SPATA16: variants seen among roughly 807,000 people sequenced by gnomAD.
SPATA16 encodes spermatogenesis associated 16.
In SPATA16, 36 loss-of-function variants were observed where a neutral mutation model predicts 63.3. That is an observed-to-expected ratio of 0.57 (90% CI 0.44 to 0.75). The LOEUF (loss-of-function observed/expected upper bound fraction) is 0.75, where lower values mean the gene tolerates loss of function less well. Among genes scored for constraint, SPATA16 ranks in the 30% least tolerant of loss-of-function variants. The pLI is 0.00. For synonymous variants in SPATA16, 203 were observed against 216.7 expected, an observed-to-expected ratio of 0.94 and a Z score of 0.56; for missense variants, 646 against 679.3, an observed-to-expected ratio of 0.95 and a Z score of 0.54.
intron 2 of SPATA16, among the ~76,000 whole-genome samples, chr3:173,080,283 A>G (rs927167191): frequency 4.6e-5 from 7 of 152,212 alleles, no homozygotes; most frequent in African/African-American, 7.2e-5. Context: ...AAAAAAGAAT[A>G]GACAAATTGC....
chr3:172,937,924 G>A (rs1733047736), intron 6 of SPATA16, among the ~76,000 whole-genome samples: 1 of 152,186 alleles, frequency 6.6e-6, no homozygotes, highest in Non-Finnish European at 1.5e-5. Context: ...AGCCAGCCTG[G>A]TGAACTAAAT....
chr3:172,971,781 T>C (rs1560083968), intron 5 of SPATA16, among the ~76,000 whole-genome samples: 1 of 152,166 alleles, frequency 6.6e-6, no homozygotes, highest in Non-Finnish European at 1.5e-5. Context: ...ATGGAGTCAC[T>C]CATGACAATA....
chr3:173,114,964 G>A (rs1737855832), intron 2 of SPATA16, among the ~76,000 whole-genome samples: 1 of 152,128 alleles, frequency 6.6e-6, no homozygotes. Context: ...ACAAAAGCTA[G>A]GCCAGATGTC....
chr3:172,926,297 G>GT (rs1732733997), intron 6 of SPATA16, among the ~76,000 whole-genome samples: 1 of 152,140 alleles, frequency 6.6e-6, no homozygotes, highest in African/African-American at 2.4e-5. Flanking sequence ...ACTGACTATT[G>GT]TAATTAGACT....
At chr3:173,011,993 G>A (rs1477190944) in intron 4 of SPATA16, among the ~76,000 whole-genome samples, 4 of 151,952 alleles carry the variant, frequency 2.6e-5, no homozygotes, top group Non-Finnish European at 4.4e-5. Context: ...AAAAAAAAAA[G>A]TTTGTTTTTT....
chr3:172,989,254 C>G (rs1238940128), intron 4 of SPATA16, among the ~76,000 whole-genome samples: 1 of 152,080 alleles, frequency 6.6e-6, no homozygotes, highest in Non-Finnish European at 1.5e-5. Context: ...CACAGTTTAT[C>G]TAGAGATAAG....
chr3:173,052,330 T>C (rs1402706968), intron 2 of SPATA16, among the ~76,000 whole-genome samples: 1 of 152,040 alleles, frequency 6.6e-6, no homozygotes, highest in Non-Finnish European at 1.5e-5. Flanking sequence ...ATGAGAATAC[T>C]TCATGAAACC....
At position 172,913,692 on chromosome 3, in the gene SPATA16, T is replaced by C; in HGVS notation, c.1556A>G (p.Asn519Ser). The change falls in exon 10 of 11, where the codon AAT becomes AGT. Residue 519 changes from asparagine to serine, a missense_variant. Transcript: ENST00000351008. ...GATCATATTCCACACACGTTCATTA[T>C]TGTTTCTTCTTCCTTCAAGGGTGTC... ...AMDTLEGRRNNNERVWNMIQK... is the reference protein window; with the variant it reads ...AMDTLEGRRNSNERVWNMIQK... The C allele has an allele frequency of 6.2e-7, 1 of 1,613,838 alleles. No homozygotes were observed. The highest frequency in any genetic ancestry group is 2.2e-5 in the East Asian group (1 of 44,862).
At chr3:172,897,007 G>A (rs2109543004) in intron 10 of SPATA16, among the ~76,000 whole-genome samples, 1 of 152,072 alleles carries the variant, frequency 6.6e-6, no homozygotes, top group Admixed American at 6.5e-5. Flanking sequence ...AGTCTGAGAA[G>A]TTTGCATAGA....
chr3:173,018,196 A>G (rs986907125), intron 4 of SPATA16, among the ~76,000 whole-genome samples: 2 of 152,094 alleles, frequency 1.3e-5, no homozygotes, highest in Non-Finnish European at 2.9e-5. Flanking sequence ...TCTGCTTTCC[A>G]TATCTATTTA....
Position 173,019,470 on chromosome 3 carries a change from GT to G in SPATA16, c.848+15del, listed in dbSNP as rs143941722. 4.9e-4 allele frequency: 785 copies of G among 1,608,396 alleles called. 4 individuals are homozygous for G. The African/African-American group carries it at 9.4e-3, about 19-fold the overall frequency. ...TGACTTGATATAAATCCTCACAAAA[GT>G]TAAAACAAACATACCGGGCAGCCTC... On this transcript the variant is annotated intron_variant, in intron 4 of 10. Transcript: ENST00000351008.
intron 5 of SPATA16, among the ~76,000 whole-genome samples, chr3:172,958,791 G>A (rs62282600): frequency 0.11 from 16,133 of 151,866 alleles, 951 homozygotes; most frequent in East Asian, 0.15. Flanking sequence ...GTGCACGCAC[G>A]TGTGTGTGTG....
intron 6 of SPATA16, among the ~76,000 whole-genome samples, chr3:172,932,931 A>G (rs1732903287): frequency 6.6e-6 from 1 of 152,144 alleles, no homozygotes. Flanking sequence ...ATTTTTGTAT[A>G]TTTAAGTTTT....
chr3:172,952,699 T>A (rs1395151217), intron 6 of SPATA16, among the ~76,000 whole-genome samples: 1 of 152,094 alleles, frequency 6.6e-6, no homozygotes, highest in African/African-American at 2.4e-5. Flanking sequence ...CCCAGCACTT[T>A]GGGAGGCCAA....
chr3:172,946,748 A>G (rs1733298602), intron 6 of SPATA16, among the ~76,000 whole-genome samples: 1 of 152,118 alleles, frequency 6.6e-6, no homozygotes, highest in Non-Finnish European at 1.5e-5. Context: ...TCTGGACTAG[A>G]GTTGGGCCAG....
At chr3:172,961,069 T>TTCCTTCCTTCCTTCCTTCCTTC (rs1560080334) in intron 5 of SPATA16, among the ~76,000 whole-genome samples, 17 of 72,382 alleles carry the variant, frequency 2.3e-4, no homozygotes, top group South Asian at 1.1e-3. Context: ...CTTTCTTCTT[T>TTCCTTCCTTCCTTCCTTCCTTC]CTTCCTTCCT....
chr3:173,009,961 C>G (rs1341307061), intron 4 of SPATA16, among the ~76,000 whole-genome samples: 2 of 152,192 alleles, frequency 1.3e-5, no homozygotes, highest in Non-Finnish European at 2.9e-5. Flanking sequence ...CGTGACCAGT[C>G]TGATTGGTTG....
At chr3:173,043,679 T>C (rs112708432) in intron 3 of SPATA16, among the ~76,000 whole-genome samples, 145 of 152,144 alleles carry the variant, frequency 9.5e-4, no homozygotes, top group African/African-American at 3.2e-3. Flanking sequence ...CCTCTGGTAC[T>C]CTTCTTTCTT....
intron 4 of SPATA16, among the ~76,000 whole-genome samples, chr3:173,004,806 T>C (rs1734903890): frequency 6.6e-6 from 1 of 152,196 alleles, no homozygotes; most frequent in Non-Finnish European, 1.5e-5. Flanking sequence ...TTAATCCTCA[T>C]AACCTCCGTG....
Sources: gnomAD v4.1 joint callset for allele counts (sites outside exome capture counted in the v4.1 genomes callset) on GRCh38, gnomAD v4.1.1 for gene constraint, MANE v1.5 for transcripts, NCBI Gene and HGNC (gene_info 2026-07-23, HGNC 2026-07-21) for gene names.